The following RXFP1 variants were observed in gnomAD, a reference collection of about 807,000 sequenced individuals.
The protein encoded by RXFP1 is relaxin receptor 1.
A neutral mutation model predicts 89.8 loss-of-function variants in RXFP1; 73 were observed. The observed-to-expected ratio is 0.81, with a 90% CI of 0.67 to 0.99. The LOEUF (loss-of-function observed/expected upper bound fraction) is 0.99, where lower values mean the gene tolerates loss of function less well. Among genes scored for constraint, RXFP1 ranks in the 50% least tolerant of loss-of-function variants. RXFP1 has a pLI of 0.00. For missense variants in RXFP1, 793 were observed against 895.5 expected (o/e 0.89, Z 1.46); for synonymous variants, 277 against 305.5 (o/e 0.91, Z 0.97).
intron 2 of RXFP1, among the ~76,000 whole-genome samples, chr4:158,588,230 T>G (rs1390391472): frequency 3.9e-5 from 6 of 152,190 alleles, no homozygotes. Context: ...CACTGCTTTT[T>G]CACCCTCATG....
Position 158,603,889 on chromosome 4 carries a change from C to CAATAATAATAAT in RXFP1, c.393-1150_393-1139dup, listed in dbSNP as rs10617905. ...TGGGCCACAGAGTAAGACTCCATCT[C>CAATAATAATAAT]AATAATAATAATAATAATAATAATA... On this transcript the variant is annotated intron_variant, in intron 4 of 17. Coordinates refer to ENST00000307765, the MANE Select transcript of RXFP1 (RefSeq NM_021634.4). Among the ~76,000 whole-genome samples, 147 of 141,110 alleles carry CAATAATAATAAT rather than the reference C, an allele frequency of 1.0e-3. No homozygotes were observed. In the Middle Eastern group the frequency reaches 0.011, roughly 11 times the overall value. 92.6% of individuals were successfully genotyped at this position (141,110 alleles called of 152,430 possible). A position where few individuals can be genotyped will look rare whatever the true frequency, so the allele number is the denominator to read the frequency against.
intron 12 of RXFP1, among the ~76,000 whole-genome samples, 156 bp from the exon 13 acceptor site, chr4:158,637,852 C>T (rs548843475): frequency 6.6e-6 from 1 of 152,220 alleles, no homozygotes; most frequent in Non-Finnish European, 1.5e-5. Flanking sequence ...TTCTTCTAGT[C>T]GTTTTATAAT....
intron 9 of RXFP1, 57 bp from the exon 10 acceptor site, chr4:158,626,763 A>G: frequency 9.3e-7 from 1 of 1,077,278 alleles, no homozygotes; most frequent in Middle Eastern, 2.0e-4. Context: ...AATTTTAACC[A>G]ATTTATTTCT....
At position 158,592,238 on chromosome 4, in the gene RXFP1, G is replaced by T. The variant is rs926223934; in HGVS notation, c.188-1163G>T. On this transcript the variant is annotated intron_variant, in intron 2 of 17. Coordinates refer to ENST00000307765, the MANE Select transcript of RXFP1 (RefSeq NM_021634.4). ...TGGTGCCTTTCAAAAAAGAAAAAGA[G>T]AAAAGAAATTAGATCATGCCAGTCA... 2.6e-5 allele frequency among the ~76,000 whole-genome samples: 4 copies of T among 152,144 alleles called. No individual in the cohort carries two copies. The South Asian group carries it at 8.3e-4, about 32-fold the overall frequency.
At chr4:158,591,404 CTGGTT>C (rs1759435517) in intron 2 of RXFP1, among the ~76,000 whole-genome samples, 1 of 152,034 alleles carries the variant, frequency 6.6e-6, no homozygotes, top group Non-Finnish European at 1.5e-5. Context: ...CTGGTATTTG[CTGGTT>C]TCTGGGGCAC....
intron 2 of RXFP1, among the ~76,000 whole-genome samples, chr4:158,589,879 C>T (rs1759073686): frequency 6.6e-6 from 1 of 151,920 alleles, no homozygotes; most frequent in Admixed American, 6.6e-5. Context: ...ACAGAGAGAC[C>T]CCCATCTCTA....
At chr4:158,532,015 C>T (rs916341735) in intron 1 of RXFP1, among the ~76,000 whole-genome samples, 6 of 152,040 alleles carry the variant, frequency 3.9e-5, no homozygotes, top group African/African-American at 1.4e-4. Context: ...GAGGCTTAGG[C>T]TTCTAATGAT....
At position 158,523,948 on chromosome 4, in the gene RXFP1, C is replaced by T. The variant is rs188233329; in HGVS notation, c.49+1923C>T. ...ATCCACTTTCCTGTAACGGGAAAGGCGATGTGATATCATGGAAGACACCTA... is the reference window on the plus strand; with the variant it reads ...ATCCACTTTCCTGTAACGGGAAAGGTGATGTGATATCATGGAAGACACCTA... On this transcript the variant is annotated intron_variant, in intron 1 of 17. Coordinates refer to ENST00000307765, the MANE Select transcript of RXFP1 (RefSeq NM_021634.4). 1.1e-4 allele frequency among the ~76,000 whole-genome samples: 16 copies of T among 152,246 alleles called. No homozygotes were observed. In the East Asian group the frequency reaches 1.4e-3, roughly 13 times the overall value.
chr4:158,619,640 G>T (rs1305466433), intron 9 of RXFP1, among the ~76,000 whole-genome samples: 1 of 152,110 alleles, frequency 6.6e-6, no homozygotes, highest in Non-Finnish European at 1.5e-5. Flanking sequence ...ACCAGACAGA[G>T]CCCTCATTGG....
chr4:158,547,465 CTT>C (rs1398001439), intron 1 of RXFP1, among the ~76,000 whole-genome samples: 1 of 151,874 alleles, frequency 6.6e-6, no homozygotes, highest in Non-Finnish European at 1.5e-5. Context: ...TCTGCTCTGA[CTT>C]TAGTTATTTC....
intron 6 of RXFP1, 82 bp downstream of exon 6, chr4:158,608,125 TCCATGACAGTA>T: frequency 4.5e-6 from 4 of 880,084 alleles, no homozygotes; most frequent in Non-Finnish European, 7.3e-6. Context: ...AGCCTCCCTG[TCCATGACAGTA>T]CCAAGGAGCC....
chr4:158,542,090 TATATATATATATA>T (rs1488117271), intron 1 of RXFP1, among the ~76,000 whole-genome samples: 492 of 35,832 alleles, frequency 0.014, 40 homozygotes, highest in African/African-American at 0.035. Flanking sequence ...TATATATATA[TATATATATATATA>T]TATATATTTT....
At chr4:158,572,624 A>G in intron 1 of RXFP1, 74 bp from the exon 2 acceptor site, 2 of 1,272,436 alleles carry the variant, frequency 1.6e-6, no homozygotes, top group Admixed American at 1.7e-5. Flanking sequence ...ATAAAATATC[A>G]GGGAGAAACT....
At chr4:158,612,899 C>T (rs531582790) in intron 8 of RXFP1, among the ~76,000 whole-genome samples, 27 of 152,314 alleles carry the variant, frequency 1.8e-4, no homozygotes, top group South Asian at 2.1e-4. Flanking sequence ...TGAGCCACCA[C>T]GCCCAGCCTT....
chr4:158,593,984 G>C (rs1760043045), intron 3 of RXFP1, among the ~76,000 whole-genome samples: 1 of 151,994 alleles, frequency 6.6e-6, no homozygotes, highest in Non-Finnish European at 1.5e-5. Flanking sequence ...ACACTGGAGG[G>C]GTATGGAAGG....
At chr4:158,622,039 G>A (rs936640479) in intron 9 of RXFP1, among the ~76,000 whole-genome samples, 1 of 152,196 alleles carries the variant, frequency 6.6e-6, no homozygotes, top group Admixed American at 6.5e-5. Context: ...GACCAGGTGC[G>A]GTGGCTTACG....
intron 1 of RXFP1, among the ~76,000 whole-genome samples, chr4:158,528,689 G>A (rs187910683): frequency 1.3e-5 from 2 of 152,322 alleles, no homozygotes; most frequent in Admixed American, 6.5e-5. Context: ...CCCCTCTAAG[G>A]TGAGAGAGGC....
chr4:158,573,505 T>G (rs1755583562), intron 2 of RXFP1, among the ~76,000 whole-genome samples: 1 of 152,190 alleles, frequency 6.6e-6, no homozygotes, highest in South Asian at 2.1e-4. Flanking sequence ...GTGATTTTTT[T>G]TTTAAGCTCA....
chr4:158,648,417 T>C (rs1771986920), intron 16 of RXFP1, 82 bp from the exon 17 acceptor site: 1 of 822,838 alleles, frequency 1.2e-6, no homozygotes, highest in Non-Finnish European at 1.8e-6. Context: ...GTATCTTTAA[T>C]AATAAAAATG....
Sources: gnomAD v4.1 joint callset for allele counts (sites outside exome capture counted in the v4.1 genomes callset) on GRCh38, gnomAD v4.1.1 for gene constraint, MANE v1.5 for transcripts, NCBI Gene and HGNC (gene_info 2026-07-23, HGNC 2026-07-21) for gene names.